Variants in FRMD4A observed in about 807,000 individuals in gnomAD.
FRMD4A encodes FERM domain-containing protein 4A.
Under a neutral mutation model 129.1 loss-of-function variants are expected in FRMD4A, and 29 were observed. That is an observed-to-expected ratio of 0.22 (90% confidence interval 0.17 to 0.31). The LOEUF is 0.31. FRMD4A is among the 10% of genes least tolerant of loss of function. The probability of loss-of-function intolerance (pLI) is 1.00; values close to 1 mark genes in which losing one functional copy is unlikely to be tolerated. For missense variants in FRMD4A, 1,272 were observed against 1,375.8 expected (o/e 0.92, Z 1.19); for synonymous variants, 634 against 571.6 (o/e 1.11, Z -1.56).
At chr10:13,651,112 A>T (rs1345172992) in intron 24 of FRMD4A, 1 of 152,250 alleles carries the variant, frequency 6.6e-6, no homozygotes, top group African/African-American at 2.4e-5. Context: ...TGCTTTGCAG[A>T]TTTCGACGTG....
intron 2 of FRMD4A, among the ~76,000 whole-genome samples, chr10:14,150,656 C>T (rs1017726798): frequency 1.3e-4 from 19 of 151,952 alleles, no homozygotes; most frequent in East Asian, 1.9e-4. Context: ...TTTATTTTTT[C>T]GTTTCTCTGT....
chr10:14,084,872 C>G lies in FRMD4A; in HGVS notation c.46-225960G>C, dbSNP rs1408048133. Among the ~76,000 whole-genome samples, 4 of 152,210 alleles carry G rather than the reference C, an allele frequency of 2.6e-5. No homozygotes were observed. The East Asian group carries it at 7.7e-4, about 29-fold the overall frequency. ...TAAAGCTGTCTGTCCGTGCTTTTTC[C>G]TCACTCCTTCTGCCTCCTGGCTGAC... On this transcript the variant is annotated intron_variant, in intron 2 of 24. Transcript: ENST00000357447.
chr10:13,759,232 T>C (rs1315880227), intron 8 of FRMD4A, among the ~76,000 whole-genome samples: 2 of 152,212 alleles, frequency 1.3e-5, no homozygotes, highest in East Asian at 3.8e-4. Context: ...CAGCTGCGCT[T>C]ACAAACAAAC....
At chr10:14,113,788 G>T (rs1451231771) in intron 2 of FRMD4A, among the ~76,000 whole-genome samples, 1 of 148,176 alleles carries the variant, frequency 6.7e-6, no homozygotes. Flanking sequence ...GCGTGTGTGC[G>T]TGTGTGTGTG....
intron 2 of FRMD4A, among the ~76,000 whole-genome samples, chr10:14,306,685 T>G (rs761180815): frequency 6.6e-6 from 1 of 152,186 alleles, no homozygotes; most frequent in Non-Finnish European, 1.5e-5. Context: ...AATGCACTAG[T>G]TACAAAAAAG....
At chr10:14,215,346 G>A (rs935164471) in intron 2 of FRMD4A, among the ~76,000 whole-genome samples, 3 of 152,070 alleles carry the variant, frequency 2.0e-5, no homozygotes, top group Admixed American at 1.3e-4. Flanking sequence ...ATGAAATAAC[G>A]TGTGCAATTT....
intron 2 of FRMD4A, among the ~76,000 whole-genome samples, chr10:13,987,150 C>G (rs190300745): frequency 6.6e-6 from 1 of 151,962 alleles, no homozygotes; most frequent in Admixed American, 6.6e-5. Context: ...AAGCTGTGTC[C>G]GTCACTGTAC....
chr10:14,219,833 T>G (rs1843190226), intron 2 of FRMD4A, among the ~76,000 whole-genome samples: 1 of 152,154 alleles, frequency 6.6e-6, no homozygotes, highest in Non-Finnish European at 1.5e-5. Flanking sequence ...TGGTCAAGAC[T>G]TGAATTTTTT....
intron 2 of FRMD4A, among the ~76,000 whole-genome samples, chr10:13,906,409 A>G (rs982268097): frequency 1.3e-5 from 2 of 152,200 alleles, no homozygotes; most frequent in African/African-American, 4.8e-5. Flanking sequence ...GTGTAACTTT[A>G]GGCTAATGAG....
At chr10:13,685,418 T>C (rs1457048322) in intron 15 of FRMD4A, 3 of 985,034 alleles carry the variant, frequency 3.0e-6, no homozygotes, top group African/African-American at 1.7e-5. Flanking sequence ...CAGCATCCAG[T>C]AAAATACCCA....
intron 8 of FRMD4A, among the ~76,000 whole-genome samples, chr10:13,757,072 A>T (rs2091896130): frequency 6.6e-6 from 1 of 152,258 alleles, no homozygotes; most frequent in African/African-American, 2.4e-5. Flanking sequence ...TGTAAGAATC[A>T]TAGATAATGT....
chr10:14,197,236 G>A (rs1261340670), intron 2 of FRMD4A, among the ~76,000 whole-genome samples: 1 of 152,102 alleles, frequency 6.6e-6, no homozygotes, highest in African/African-American at 2.4e-5. Flanking sequence ...GGCAAATCGG[G>A]ACCCCATTTA....
intron 2 of FRMD4A, among the ~76,000 whole-genome samples, chr10:13,937,093 G>A (rs1055102240): frequency 6.6e-6 from 1 of 152,224 alleles, no homozygotes; most frequent in Non-Finnish European, 1.5e-5. Flanking sequence ...AGGGAGGGTT[G>A]CAAATGTTCT....
chr10:14,229,220 A>G (rs924561117), intron 2 of FRMD4A, among the ~76,000 whole-genome samples: 7 of 151,982 alleles, frequency 4.6e-5, no homozygotes, highest in African/African-American at 7.3e-5. Context: ...CAATTTTTTT[A>G]AAAACCTACT....
chr10:13,800,630 A>T lies in FRMD4A; in HGVS notation c.207-4042T>A, dbSNP rs966279103. 2.2e-4 allele frequency among the ~76,000 whole-genome samples: 34 copies of T among 152,186 alleles called. 1 individual carries two copies. The highest frequency in any genetic ancestry group is 1.3e-4 in the Admixed American group (2 of 15,282). ...ATACCACTCCACTGGCATATGAGTG[A>T]CCACACACACTGCAAGAGATTAGAC... On this transcript the variant is annotated intron_variant, in intron 4 of 24. Transcript: ENST00000357447.
rs561352784 is a variant in FRMD4A, at chr10:13,790,607, C to T, written c.299+5889G>A. Reference sequence around the variant, plus strand: ...CAGAGCCGGGGGAACTGAAAGGGAGCATGTTCGAATGAGCCCAGAGCCACA... The same window carrying T: ...CAGAGCCGGGGGAACTGAAAGGGAGTATGTTCGAATGAGCCCAGAGCCACA... On this transcript the variant is annotated intron_variant, in intron 5 of 24. Transcript: ENST00000357447. 3.3e-5 allele frequency among the ~76,000 whole-genome samples: 5 copies of T among 152,226 alleles called. No homozygotes were observed. In the East Asian group the frequency reaches 9.7e-4, roughly 29 times the overall value.
intron 2 of FRMD4A, among the ~76,000 whole-genome samples, chr10:13,986,104 G>C (rs2095580243): frequency 6.6e-6 from 1 of 152,126 alleles, no homozygotes; most frequent in Non-Finnish European, 1.5e-5. Flanking sequence ...TACAGCCACG[G>C]CAGCAACCCT....
chr10:14,306,293 C>A (rs557668229), intron 2 of FRMD4A, among the ~76,000 whole-genome samples: 1 of 152,156 alleles, frequency 6.6e-6, no homozygotes, highest in Non-Finnish European at 1.5e-5. Context: ...TTAGCCAAGT[C>A]CAAAATAGAA....
At chr10:13,957,325 C>T (rs144093210) in intron 2 of FRMD4A, among the ~76,000 whole-genome samples, 1 of 152,298 alleles carries the variant, frequency 6.6e-6, no homozygotes, top group African/African-American at 2.4e-5. Flanking sequence ...GCAATCTGGG[C>T]TTACTGCAAT....
Sources: gnomAD v4.1 joint callset for allele counts (sites outside exome capture counted in the v4.1 genomes callset) on GRCh38, gnomAD v4.1.1 for gene constraint, MANE v1.5 for transcripts, NCBI Gene and HGNC (gene_info 2026-07-23, HGNC 2026-07-21) for gene names.